Variants in RBFOX1 observed in about 807,000 individuals in gnomAD.
RBFOX1 encodes the protein RNA binding protein fox-1 homolog 1.
In RBFOX1, 8 loss-of-function variants were observed where a neutral mutation model predicts 57.7. The observed-to-expected ratio is 0.14, with a 90% CI of 0.08 to 0.25. The LOEUF is 0.25. Ranked by LOEUF, RBFOX1 falls within the 10% of genes least tolerant of loss-of-function variation. The pLI is 1.00. For synonymous variants in RBFOX1, 326 were observed against 222.4 expected (o/e 1.47, Z -4.15); for missense variants, 611 against 548.5 (o/e 1.11, Z -1.14).
intron 2 of RBFOX1, among the ~76,000 whole-genome samples, chr16:6,502,082 A>C (rs2095950817): frequency 6.6e-6 from 1 of 152,196 alleles, no homozygotes. Context: ...GGGTTGGGTC[A>C]TTCCTTGTGT....
intron 3 of RBFOX1, among the ~76,000 whole-genome samples, chr16:6,928,767 A>T (rs1462894433): frequency 6.6e-6 from 1 of 152,188 alleles, no homozygotes; most frequent in Non-Finnish European, 1.5e-5. Flanking sequence ...ATCATTTCAC[A>T]TTGTTTGATT....
chr16:5,519,844 C>A (rs1053297720), intron 2 of RBFOX1, among the ~76,000 whole-genome samples: 1 of 152,206 alleles, frequency 6.6e-6, no homozygotes, highest in Non-Finnish European at 1.5e-5. Context: ...AGAGGCTCAT[C>A]TTTCTCATTT....
At chr16:5,534,763 G>A (rs1040384245) in intron 2 of RBFOX1, among the ~76,000 whole-genome samples, 3 of 152,026 alleles carry the variant, frequency 2.0e-5, no homozygotes, top group Non-Finnish European at 2.9e-5. Flanking sequence ...AATACTTCAC[G>A]AGCTATGTAG....
intron 1 of RBFOX1, among the ~76,000 whole-genome samples, chr16:6,118,980 C>A (rs2096528135): frequency 6.6e-6 from 1 of 151,318 alleles, no homozygotes; most frequent in Non-Finnish European, 1.5e-5. Flanking sequence ...TACCTTAGTT[C>A]CCTCCAGTCT....
rs538888420 is a variant in RBFOX1, at chr16:6,915,925, G to T, written c.-15-136132G>T. 2.4e-4 allele frequency among the ~76,000 whole-genome samples: 37 copies of T among 152,206 alleles called. No individual in the cohort carries two copies. In the South Asian group the frequency reaches 5.0e-3, roughly 20 times the overall value. On this transcript the variant is annotated intron_variant, in intron 3 of 15. Transcript: ENST00000550418. ...GTGAAAGGGCCGTATTTGCAAAGTG[G>T]TCCCCAAATGCTGAAGTTGCTGAGA...
intron 3 of RBFOX1, among the ~76,000 whole-genome samples, chr16:6,958,327 T>G (rs1450081714): frequency 6.6e-6 from 1 of 152,168 alleles, no homozygotes; most frequent in African/African-American, 2.4e-5. Flanking sequence ...CATTAGAACT[T>G]AACCTTCTGA....
intron 4 of RBFOX1, among the ~76,000 whole-genome samples, chr16:7,384,378 C>G (rs1005224852): frequency 6.6e-6 from 1 of 152,024 alleles, no homozygotes; most frequent in Non-Finnish European, 1.5e-5. Flanking sequence ...CAACAGGCAC[C>G]TTTATATTTA....
chr16:7,100,220 C>T (rs1599491811), intron 4 of RBFOX1, among the ~76,000 whole-genome samples: 1 of 151,896 alleles, frequency 6.6e-6, no homozygotes, highest in Non-Finnish European at 1.5e-5. Context: ...AATGACTATT[C>T]AGTGCTGATA....
intron 3 of RBFOX1, among the ~76,000 whole-genome samples, chr16:6,999,201 T>G (rs1382749357): frequency 8.7e-6 from 1 of 114,744 alleles, no homozygotes; most frequent in Non-Finnish European, 1.7e-5. Flanking sequence ...TTTATTTTAT[T>G]TTTTATTTTT....
rs569144684 is a variant in RBFOX1 at position 6,814,482 on chromosome 16, G to A, written c.-16+159832G>A. ...GGTAGATGTGGCTTCTAGCTTCATG[G>A]GGCTTAGAGTCTAGTGGGAGACAGG... On this transcript the variant is annotated intron_variant, in intron 3 of 15. Transcript: ENST00000550418. Among the ~76,000 whole-genome samples the A allele has an allele frequency of 3.3e-5, 5 of 152,260 alleles. No homozygotes were observed. In the East Asian group the frequency reaches 7.7e-4, roughly 24 times the overall value.
chr16:7,272,272 C>T (rs569164896), intron 4 of RBFOX1, among the ~76,000 whole-genome samples: 53 of 152,306 alleles, frequency 3.5e-4, no homozygotes, highest in African/African-American at 1.2e-3. Flanking sequence ...GCAACCTCCA[C>T]CTCCCTGGTT....
chr16:7,587,581 G>A (rs1260437396), intron 7 of RBFOX1, among the ~76,000 whole-genome samples: 4 of 152,188 alleles, frequency 2.6e-5, no homozygotes, highest in African/African-American at 7.2e-5. Flanking sequence ...CTACATTTTT[G>A]TTTTTCAGTG....
At position 7,370,460 on chromosome 16, in the gene RBFOX1, C is replaced by T. The variant is rs188885417; in HGVS notation, c.28-147687C>T. ...GAATCACTGTATTTGTCAATCAAAG[C>T]GATCTTTGTTTTTTATCAACGCGGG... is the stretch of plus-strand genomic sequence containing the variant. On this transcript the variant is annotated intron_variant, in intron 4 of 15. Coordinates refer to ENST00000550418, the MANE Select transcript of RBFOX1 (RefSeq NM_018723.4). 3.3e-5 allele frequency among the ~76,000 whole-genome samples: 5 copies of T among 152,248 alleles called. No homozygotes were observed. In the East Asian group the frequency reaches 5.8e-4, roughly 18 times the overall value.
intron 5 of RBFOX1, among the ~76,000 whole-genome samples, chr16:7,539,127 C>T (rs139767623): frequency 1.8e-4 from 28 of 152,272 alleles, no homozygotes; most frequent in Non-Finnish European, 3.7e-4. Flanking sequence ...GGAAAAGACT[C>T]CACCTTTGAC....
At chr16:5,620,513 G>T (rs934944796) in intron 3 of RBFOX1, among the ~76,000 whole-genome samples, 3 of 152,148 alleles carry the variant, frequency 2.0e-5, no homozygotes, top group South Asian at 2.1e-4. Flanking sequence ...TGAGGTCAGT[G>T]TGTCAGCGGG....
intron 3 of RBFOX1, among the ~76,000 whole-genome samples, chr16:5,609,101 T>G (rs2047686614): frequency 6.6e-6 from 1 of 152,178 alleles, no homozygotes; most frequent in South Asian, 2.1e-4. Flanking sequence ...ATATTCTCAG[T>G]AATGATTTTG....
At chr16:6,835,127 T>G (rs538419419) in intron 3 of RBFOX1, among the ~76,000 whole-genome samples, 6 of 152,128 alleles carry the variant, frequency 3.9e-5, no homozygotes, top group African/African-American at 1.4e-4. Flanking sequence ...GGTCTCAATC[T>G]CCTGACCCTG....
At chr16:6,954,918 A>G (rs899438564) in intron 3 of RBFOX1, among the ~76,000 whole-genome samples, 21 of 152,206 alleles carry the variant, frequency 1.4e-4, no homozygotes, top group Non-Finnish European at 1.9e-4. Context: ...TAAACTTATT[A>G]GGCTATTTTA....
intron 3 of RBFOX1, among the ~76,000 whole-genome samples, chr16:6,657,048 C>T (rs1603070072): frequency 8.8e-6 from 1 of 113,088 alleles, no homozygotes; most frequent in South Asian, 3.9e-4. Flanking sequence ...CTTTCCTCTC[C>T]TCTCCTCCCC....
Sources: gnomAD v4.1 joint callset for allele counts (sites outside exome capture counted in the v4.1 genomes callset) on GRCh38, gnomAD v4.1.1 for gene constraint, MANE v1.5 for transcripts, NCBI Gene and HGNC (gene_info 2026-07-23, HGNC 2026-07-21) for gene names.